Variants in MAPK8 observed in about 807,000 individuals in gnomAD.
MAPK8 encodes mitogen-activated protein kinase 8.
In MAPK8, 13 loss-of-function variants were observed where a neutral mutation model predicts 52.9. The observed-to-expected ratio is 0.25, with a 90% CI of 0.16 to 0.39. The LOEUF is 0.39. MAPK8 is among the 10% of genes least tolerant of loss of function. The pLI is 1.00. For synonymous variants in MAPK8, 191 were observed against 169.8 expected, an observed-to-expected ratio of 1.12 and a Z score of -0.97; for missense variants, 300 against 519.2, an observed-to-expected ratio of 0.58 and a Z score of 4.10.
Position 48,426,034 on chromosome 10 carries a change from CT to C in MAPK8, c.839del (p.Phe280SerfsTer24). The C allele has an allele frequency of 6.2e-7, 1 of 1,612,054 alleles. No individual in the cohort carries two copies. The highest frequency in any genetic ancestry group is 8.5e-7 in the Non-Finnish European group (1 of 1,179,166). On this transcript the variant is annotated frameshift_variant, in exon 8 of 12. Transcript: ENST00000374189. LOFTEE classifies it high-confidence loss of function. ...CTTTGAGAAACTCTTCCCTGATGTC[CT>C]TTTCCCAGCTGACTCAGAACACAAC... is the stretch of plus-strand genomic sequence containing the variant. ...YSFEKLFPDV[L>X]FPADSEHNKL...
At chr10:48,424,374 A>G in intron 7 of MAPK8, 1 of 644,762 alleles carries the variant, frequency 1.6e-6, no homozygotes. Flanking sequence ...TAGTCAGAGC[A>G]CATTCACTGT....
chr10:48,373,459 A>C (rs927103898), intron 1 of MAPK8, among the ~76,000 whole-genome samples: 8 of 151,738 alleles, frequency 5.3e-5, no homozygotes, highest in African/African-American at 1.9e-4. Flanking sequence ...CAAATTCGTT[A>C]AAGAGTCAAG....
chr10:48,424,249 A>G (rs1451848805), intron 7 of MAPK8, 90 bp downstream of exon 7: 1 of 1,212,390 alleles, frequency 8.2e-7, no homozygotes, highest in Non-Finnish European at 1.2e-6. Flanking sequence ...ATTTACACAG[A>G]TGGGTTTTTA....
At chr10:48,356,990 C>CA (rs1370271573) in intron 1 of MAPK8, among the ~76,000 whole-genome samples, 1 of 141,074 alleles carries the variant, frequency 7.1e-6, no homozygotes, top group Non-Finnish European at 1.5e-5. Context: ...GTTTTAAAGG[C>CA]AAAAATCGGA....
At chr10:48,405,246 T>C (rs560411061) in intron 3 of MAPK8, among the ~76,000 whole-genome samples, 1 of 152,226 alleles carries the variant, frequency 6.6e-6, no homozygotes, top group African/African-American at 2.4e-5. Context: ...AGATAAGCGT[T>C]TGAGAAGAAT....
intron 1 of MAPK8, among the ~76,000 whole-genome samples, chr10:48,321,367 T>C (rs905545472): frequency 1.4e-4 from 21 of 152,142 alleles, no homozygotes. Flanking sequence ...ATTACAAACA[T>C]GAGCTTCCTT....
chr10:48,377,390 G>A (rs1408238310), intron 1 of MAPK8, among the ~76,000 whole-genome samples: 1 of 152,030 alleles, frequency 6.6e-6, no homozygotes, highest in Non-Finnish European at 1.5e-5. Context: ...TGGACCCGTG[G>A]TAGAAAGACT....
In MAPK8 at chr10:48,356,823, C is replaced by G. The variant is rs189111022; in HGVS notation, c.-49-44789C>G. ...CACCACTACACTCCAGCCTGGGTGA[C>G]AGAGTGAGACTCCGTCTCAAAAAAA... On this transcript the variant is annotated intron_variant, in intron 1 of 11. Coordinates refer to ENST00000374189, the MANE Select transcript of MAPK8 (RefSeq NM_001323329.2). Among the ~76,000 whole-genome samples the G allele has an allele frequency of 5.1e-3, 525 of 101,966 alleles. 3 individuals carry two copies. Among genetic ancestry groups the G allele is most frequent in the Non-Finnish European group, 5.9e-3 (322 of 55,036 alleles). The allele number at this position is 101,966 out of a possible 152,430, so 66.9% of individuals were successfully genotyped here.
intron 1 of MAPK8, among the ~76,000 whole-genome samples, chr10:48,387,438 A>G (rs1228485378): frequency 6.6e-6 from 1 of 152,178 alleles, no homozygotes; most frequent in Non-Finnish European, 1.5e-5. Context: ...AATCCTAAAT[A>G]TGGAGGGGAA....
intron 1 of MAPK8, among the ~76,000 whole-genome samples, chr10:48,336,493 A>G (rs943208651): frequency 6.6e-6 from 1 of 152,208 alleles, no homozygotes; most frequent in South Asian, 2.1e-4. Context: ...CTGTGTTGTT[A>G]AAAATTATTG....
intron 1 of MAPK8, among the ~76,000 whole-genome samples, chr10:48,316,558 A>G (rs963215316): frequency 6.6e-6 from 1 of 152,208 alleles, no homozygotes; most frequent in African/African-American, 2.4e-5. Context: ...CATGCAGTCA[A>G]AGTAGAGGTC....
intron 1 of MAPK8, among the ~76,000 whole-genome samples, chr10:48,325,683 A>T (rs949127189): frequency 6.6e-6 from 1 of 152,234 alleles, no homozygotes; most frequent in Non-Finnish European, 1.5e-5. Context: ...ACTAAAATCC[A>T]TAGCTTATTC....
At chr10:48,360,177 AAAG>A (rs1051873919) in intron 1 of MAPK8, among the ~76,000 whole-genome samples, 2 of 152,202 alleles carry the variant, frequency 1.3e-5, no homozygotes, top group African/African-American at 2.4e-5. Flanking sequence ...AAAGAAAAAA[AAAG>A]AAGAAGGTGT....
At chr10:48,389,608 C>T (rs2041513763) in intron 1 of MAPK8, among the ~76,000 whole-genome samples, 1 of 152,190 alleles carries the variant, frequency 6.6e-6, no homozygotes. Context: ...GAAAGACAGG[C>T]AATTCATAAT....
At chr10:48,314,471 T>C (rs1588905116) in intron 1 of MAPK8, among the ~76,000 whole-genome samples, 1 of 152,236 alleles carries the variant, frequency 6.6e-6, no homozygotes, top group South Asian at 2.1e-4. Flanking sequence ...TAGGTAGTTT[T>C]CAGACTTTTG....
At chr10:48,402,853 T>C (rs2042229437) in intron 2 of MAPK8, among the ~76,000 whole-genome samples, 1 of 152,122 alleles carries the variant, frequency 6.6e-6, no homozygotes, top group African/African-American at 2.4e-5. Flanking sequence ...AACAGAAGAA[T>C]AAAAAATTGT....
chr10:48,374,989 A>G (rs1035339198), intron 1 of MAPK8, among the ~76,000 whole-genome samples: 8 of 152,226 alleles, frequency 5.3e-5, no homozygotes, highest in African/African-American at 1.9e-4. Context: ...AAAATCCTCA[A>G]TAAAATACCG....
At chr10:48,358,191 T>G (rs1365239226) in intron 1 of MAPK8, among the ~76,000 whole-genome samples, 1 of 152,240 alleles carries the variant, frequency 6.6e-6, no homozygotes, top group Admixed American at 6.5e-5. Flanking sequence ...TGACTGGAAT[T>G]GCTGGGTCAT....
At chr10:48,310,438 G>C (rs369770509) in intron 1 of MAPK8, among the ~76,000 whole-genome samples, 4 of 152,120 alleles carry the variant, frequency 2.6e-5, no homozygotes, top group African/African-American at 4.8e-5. Flanking sequence ...TCCAGACTTA[G>C]AAAACAAATG....
Sources: gnomAD v4.1 joint callset for allele counts (sites outside exome capture counted in the v4.1 genomes callset) on GRCh38, gnomAD v4.1.1 for gene constraint, MANE v1.5 for transcripts, NCBI Gene and HGNC (gene_info 2026-07-23, HGNC 2026-07-21) for gene names.